Variants in MTUS2 observed in about 807,000 individuals in gnomAD.
MTUS2 encodes the protein microtubule-associated tumor suppressor candidate 2.
Under a neutral mutation model 114.1 loss-of-function variants are expected in MTUS2, and 40 were observed. The observed-to-expected ratio is 0.35, with a 90% CI of 0.27 to 0.46. The LOEUF is 0.46. Among genes scored for constraint, MTUS2 ranks in the 20% least tolerant of loss-of-function variants. MTUS2 has a pLI of 1.00. For missense variants in MTUS2, 1,679 were observed against 1,705.4 expected, an observed-to-expected ratio of 0.98 and a Z score of 0.27; for synonymous variants, 688 against 672.0, an observed-to-expected ratio of 1.02 and a Z score of -0.37.
intron 2 of MTUS2, among the ~76,000 whole-genome samples, chr13:28,928,818 T>A (rs1881463054): frequency 1.3e-5 from 2 of 152,164 alleles, no homozygotes; most frequent in African/African-American, 4.8e-5. Flanking sequence ...AACCAAAGTA[T>A]GGAATCAACC....
intron 2 of MTUS2, among the ~76,000 whole-genome samples, chr13:28,925,889 A>G (rs866003305): frequency 1.7e-4 from 26 of 152,384 alleles, no homozygotes; most frequent in Middle Eastern, 3.4e-3. Context: ...GAAAGTAGAT[A>G]TGACTATGGG....
intron 2 of MTUS2, among the ~76,000 whole-genome samples, chr13:28,913,725 G>A (rs182541571): frequency 6.6e-6 from 1 of 152,204 alleles, no homozygotes; most frequent in Non-Finnish European, 1.5e-5. Flanking sequence ...GTAGTATTCA[G>A]CTGTAAATCC....
At chr13:29,335,831 A>G (rs903213668) in intron 7 of MTUS2, among the ~76,000 whole-genome samples, 2 of 152,140 alleles carry the variant, frequency 1.3e-5, no homozygotes, top group Admixed American at 6.5e-5. Flanking sequence ...ACAGTCAAAC[A>G]TAGGTTTGGT....
chr13:29,295,970 A>T (rs1442862494), intron 6 of MTUS2, among the ~76,000 whole-genome samples: 1 of 152,146 alleles, frequency 6.6e-6, no homozygotes, highest in Non-Finnish European at 1.5e-5. Flanking sequence ...GGTAGCTACA[A>T]TTCAAGATGA....
At chr13:29,181,173 C>T (rs951079861) in intron 5 of MTUS2, among the ~76,000 whole-genome samples, 4 of 152,040 alleles carry the variant, frequency 2.6e-5, no homozygotes, top group Non-Finnish European at 2.9e-5. Context: ...TCGATGGGCC[C>T]GGAGGTCACA....
chr13:28,875,912 T>G (rs1417869876), intron 2 of MTUS2, among the ~76,000 whole-genome samples: 5 of 152,262 alleles, frequency 3.3e-5, no homozygotes, highest in Admixed American at 1.3e-4. Context: ...TTTAAAATTT[T>G]CTTTTAATTT....
chr13:28,931,821 C>G (rs1026865000), intron 2 of MTUS2, among the ~76,000 whole-genome samples: 2 of 151,996 alleles, frequency 1.3e-5, no homozygotes, highest in African/African-American at 4.8e-5. Flanking sequence ...TAATGCTATC[C>G]CTCCCCGCCT....
chr13:29,476,173 C>T (rs1880686836), intron 9 of MTUS2, among the ~76,000 whole-genome samples: 1 of 152,162 alleles, frequency 6.6e-6, no homozygotes, highest in Non-Finnish European at 1.5e-5. Flanking sequence ...AGCCTAGGAA[C>T]AGTAGGCTAC....
Position 29,317,088 on chromosome 13 carries a change from C to A in MTUS2, c.2807-7525C>A, listed in dbSNP as rs561710007. Among the ~76,000 whole-genome samples, 11 of 152,288 alleles carry A rather than the reference C, an allele frequency of 7.2e-5. No individual in the cohort carries two copies. The South Asian group carries it at 2.3e-3, about 32-fold the overall frequency. On this transcript the variant is annotated intron_variant, in intron 6 of 15. Coordinates refer to ENST00000612955, the MANE Select transcript of MTUS2 (RefSeq NM_001033602.4). ...CATAATAATCTTCAGAATTAATTAT[C>A]CCTTAGTCTTATCCAGGTAATAATT...
intron 2 of MTUS2, among the ~76,000 whole-genome samples, chr13:28,975,451 G>A (rs369909508): frequency 7.3e-5 from 11 of 150,796 alleles, no homozygotes; most frequent in African/African-American, 2.2e-4. Context: ...CTCACTGGGC[G>A]TTTCCAATCT....
intron 8 of MTUS2, among the ~76,000 whole-genome samples, chr13:29,374,239 G>A (rs148846398): frequency 2.0e-3 from 303 of 152,254 alleles, no homozygotes; most frequent in African/African-American, 4.9e-3. Flanking sequence ...TGTAATAGGC[G>A]TTCCAGAGAG....
intron 5 of MTUS2, among the ~76,000 whole-genome samples, chr13:29,118,075 A>G (rs1536716): frequency 0.03 from 4,557 of 152,138 alleles, 232 homozygotes; most frequent in African/African-American, 0.1. Context: ...TTTTTATTAC[A>G]ATTAAGGAAA....
intron 2 of MTUS2, among the ~76,000 whole-genome samples, chr13:28,901,618 C>G (rs886292982): frequency 6.6e-6 from 1 of 152,188 alleles, no homozygotes; most frequent in East Asian, 1.9e-4. Context: ...TAGGAAGGCT[C>G]TCTGTCTTCC....
At chr13:29,140,149 C>T (rs1892158328) in intron 5 of MTUS2, among the ~76,000 whole-genome samples, 1 of 152,082 alleles carries the variant, frequency 6.6e-6, no homozygotes, top group Admixed American at 6.5e-5. Flanking sequence ...GAATATAATG[C>T]ATAAAATCTC....
chr13:28,934,994 C>A (rs1229528057), intron 2 of MTUS2, among the ~76,000 whole-genome samples: 1 of 134,272 alleles, frequency 7.4e-6, no homozygotes, highest in Admixed American at 7.6e-5. Context: ...CCACTTGTTT[C>A]ATCTCCATAG....
intron 5 of MTUS2, among the ~76,000 whole-genome samples, chr13:29,195,034 G>T (rs1894622402): frequency 2.8e-5 from 4 of 145,142 alleles, no homozygotes; most frequent in African/African-American, 5.1e-5. Context: ...TCACAGGTGG[G>T]AATTGAACAA....
At chr13:29,257,860 T>C (rs577807118) in intron 5 of MTUS2, among the ~76,000 whole-genome samples, 2 of 152,354 alleles carry the variant, frequency 1.3e-5, no homozygotes, top group East Asian at 3.9e-4. Flanking sequence ...ATCCATGTGC[T>C]TTCCACTAGG....
At chr13:28,921,277 G>A (rs1881027218) in intron 2 of MTUS2, among the ~76,000 whole-genome samples, 1 of 152,202 alleles carries the variant, frequency 6.6e-6, no homozygotes, top group East Asian at 1.9e-4. Flanking sequence ...CCAGGGCTGG[G>A]TCCTTGCCTT....
At chr13:29,360,949 G>T (rs1381216473) in intron 8 of MTUS2, among the ~76,000 whole-genome samples, 1 of 152,076 alleles carries the variant, frequency 6.6e-6, no homozygotes, top group Non-Finnish European at 1.5e-5. Context: ...CTTGATAAAG[G>T]TTTCATATGA....
Sources: allele counts gnomAD v4.1 joint callset (sites outside exome capture counted in the v4.1 genomes callset), GRCh38; gene constraint gnomAD v4.1.1; transcripts MANE v1.5; gene names NCBI Gene and HGNC (gene_info 2026-07-23, HGNC 2026-07-21).